CD38: variants seen among roughly 807,000 people sequenced by gnomAD.
CD38 encodes CD38 molecule.
Under a neutral mutation model 36.3 loss-of-function variants are expected in CD38, and 31 were observed. The ratio of observed to expected loss-of-function variants is 0.85; its 90% CI spans 0.64 to 1.15. The LOEUF is 1.15. Ranked by LOEUF, CD38 falls within the 50% of genes most tolerant of loss-of-function variation. CD38 has a pLI of 0.00. For synonymous variants in CD38, 131 were observed against 135.2 expected (o/e 0.97, Z 0.22); for missense variants, 380 against 371.9 (o/e 1.02, Z -0.18).
At position 15,816,492 on chromosome 4, in the gene CD38, T is replaced by A; in HGVS notation, c.234-19T>A. 1 of 1,562,694 alleles carries A rather than the reference T, an allele frequency of 6.4e-7. No homozygotes were observed. Among genetic ancestry groups the A allele is most frequent in the Non-Finnish European group, 8.7e-7 (1 of 1,153,320 alleles). On this transcript the variant is annotated intron_variant, in intron 1 of 7. Coordinates refer to ENST00000226279, the MANE Select transcript of CD38 (RefSeq NM_001775.4). ...TAAAATCAAATAATTTATGTTTTAT[T>A]TTCTGTGTTTTATCTCAGACATGTA...
intron 1 of CD38, among the ~76,000 whole-genome samples, chr4:15,786,022 A>T (rs1483444471): frequency 6.6e-6 from 1 of 151,552 alleles, no homozygotes; most frequent in African/African-American, 2.4e-5. Context: ...TCCCATCTGG[A>T]GTTGTTCGTT....
intron 1 of CD38, among the ~76,000 whole-genome samples, chr4:15,780,592 G>A (rs1416650839): frequency 1.4e-5 from 2 of 143,480 alleles, no homozygotes; most frequent in African/African-American, 2.8e-5. Flanking sequence ...CCACATCCCT[G>A]AAATCTTGAC....
chr4:15,836,872 G>T (rs1724078000), intron 4 of CD38, among the ~76,000 whole-genome samples: 1 of 152,128 alleles, frequency 6.6e-6, no homozygotes, highest in Non-Finnish European at 1.5e-5. Flanking sequence ...TACTCATTCT[G>T]ATCTTCTGAT....
chr4:15,826,601 C>A (rs1387194236), intron 3 of CD38, among the ~76,000 whole-genome samples: 1 of 151,198 alleles, frequency 6.6e-6, no homozygotes, highest in East Asian at 2.0e-4. Flanking sequence ...GTAACTATAC[C>A]CTCATCAAGA....
At chr4:15,838,044 A>G in intron 4 of CD38, 48 bp from the exon 5 acceptor site, 4 of 1,411,212 alleles carry the variant, frequency 2.8e-6, no homozygotes, top group Non-Finnish European at 4.0e-6. Context: ...CTGCTGGAGG[A>G]TGGTGATTAA....
At chr4:15,836,074 G>T (rs1014688832) in intron 4 of CD38, among the ~76,000 whole-genome samples, 3 of 152,150 alleles carry the variant, frequency 2.0e-5, no homozygotes, top group Non-Finnish European at 2.9e-5. Context: ...GAGGAACTGG[G>T]GCAGGTGGAA....
chr4:15,809,799 G>T (rs1394545892), intron 1 of CD38, among the ~76,000 whole-genome samples: 3 of 152,052 alleles, frequency 2.0e-5, no homozygotes, highest in Non-Finnish European at 4.4e-5. Flanking sequence ...AAATATTATT[G>T]AACTTCCAGA....
intron 3 of CD38, among the ~76,000 whole-genome samples, chr4:15,832,008 T>C (rs1723970497): frequency 6.6e-6 from 1 of 152,180 alleles, no homozygotes; most frequent in African/African-American, 2.4e-5. Flanking sequence ...CCTCTGACTG[T>C]GTATTTTCAA....
chr4:15,824,913 C>T lies in CD38; in HGVS notation c.396C>T (p.Ala132=). 1.4e-5 allele frequency: 23 copies of T among 1,613,590 alleles called. No homozygotes were observed. The highest frequency in any genetic ancestry group is 1.9e-5 in the Non-Finnish European group (22 of 1,179,670). ...TTTGGAGCAGAATAAAAGATCTGGC[C>T]CATCAGTTCACACAGGTCCAGCGGG... is the stretch of plus-strand genomic sequence containing the variant. ...ILLWSRIKDL[A]HQFTQVQRDM... is the part of the protein sequence containing the mutation. The change falls in exon 3 of 8, where the codon GCC becomes GCT. Residue 132 remains alanine (A), a synonymous_variant. Transcript: ENST00000226279.
chr4:15,791,045 G>A, intron 1 of CD38, among the ~76,000 whole-genome samples: 1 of 118,894 alleles, frequency 8.4e-6, no homozygotes, highest in East Asian at 2.5e-4. Context: ...GGAGGGAGGT[G>A]GGGGGGGGTC....
At chr4:15,840,650 T>G in intron 7 of CD38, 112 bp downstream of exon 7, 1 of 642,554 alleles carries the variant, frequency 1.6e-6, no homozygotes, top group Non-Finnish European at 2.8e-6. Context: ...TCTTGGGCCT[T>G]GATGATGATC....
In CD38 at chr4:15,778,519, C is replaced by A; in HGVS notation, c.105C>A (p.Leu35=). The A allele has an allele frequency of 6.2e-7, 1 of 1,613,710 alleles. No individual in the cohort carries two copies. The highest frequency in any genetic ancestry group is 8.5e-7 in the Non-Finnish European group (1 of 1,179,964). The change falls in exon 1 of 8, where the codon CTC becomes CTA. Residue 35 remains leucine, a synonymous_variant. Coordinates refer to ENST00000226279, the MANE Select transcript of CD38 (RefSeq NM_001775.4). The surrounding 1 kb of genome is among the most constrained non-coding windows in gnomAD (Gnocchi z 4.9). ...GCGTCAGTATCCTGGTCCTGATCCT[C>A]GTCGTGGTGCTCGCGGTGGTCGTCC... ...CLGVSILVLI[L]VVVLAVVVPR...
chr4:15,780,305 G>A (rs1722662852), intron 1 of CD38, among the ~76,000 whole-genome samples: 1 of 152,074 alleles, frequency 6.6e-6, no homozygotes, highest in Non-Finnish European at 1.5e-5. Context: ...ACAATCTCTT[G>A]AATGCTGAAT....
rs1189644526 is a variant in CD38, at chr4:15,851,725, T to C, written c.*3123T>C. Reference sequence around the variant, plus strand: ...ACAAACACACGCACACAAGCCTGCATACATCATATGCCAACAGTGGGGATA... The same window carrying C: ...ACAAACACACGCACACAAGCCTGCACACATCATATGCCAACAGTGGGGATA... On this transcript the variant is annotated 3_prime_UTR_variant, in exon 8 of 8. Transcript: ENST00000226279. 6.6e-6 allele frequency: 1 copy of C among 152,202 alleles called. No individual in the cohort carries two copies. The highest frequency in any genetic ancestry group is 1.5e-5 in the Non-Finnish European group (1 of 68,042). 9.4% of individuals were successfully genotyped at this position (152,202 alleles called of 1,614,324 possible). A position where few individuals can be genotyped will look rare whatever the true frequency, so the allele number is the denominator to read the frequency against.
intron 2 of CD38, among the ~76,000 whole-genome samples, chr4:15,819,807 T>C (rs896636581): frequency 2.0e-5 from 3 of 152,242 alleles, no homozygotes; most frequent in Admixed American, 1.3e-4. Flanking sequence ...TGAAACCACG[T>C]TGGAAAACAC....
intron 7 of CD38, 99 bp from the exon 8 acceptor site, chr4:15,848,440 A>G: frequency 1.3e-6 from 1 of 785,784 alleles, no homozygotes; most frequent in Non-Finnish European, 2.2e-6. Context: ...TGGTCTGTGC[A>G]CCTTGTCGTC....
In CD38 at chr4:15,825,006, C is replaced by G; in HGVS notation, c.489C>G (p.Phe163Leu). The G allele has an allele frequency of 6.2e-7, 1 of 1,611,292 alleles. No homozygotes were observed. Among genetic ancestry groups the G allele is most frequent in the African/African-American group, 1.3e-5 (1 of 74,938 alleles). Reference sequence around the variant, plus strand: ...ATGACCTCACATGGTGTGGTGAATTCAACACTTCCAGTGAGGCTCTGGGCC... The same window carrying G: ...ATGACCTCACATGGTGTGGTGAATTGAACACTTCCAGTGAGGCTCTGGGCC... ...LADDLTWCGE[F>L]NTSKINYQSC... Residue 163 changes from phenylalanine to leucine, a missense_variant, in exon 3 of 8, where the codon TTC becomes TTG. Coordinates refer to ENST00000226279, the MANE Select transcript of CD38 (RefSeq NM_001775.4).
At chr4:15,816,311 AT>A (rs1723592618) in intron 1 of CD38, among the ~76,000 whole-genome samples, 199 bp from the exon 2 acceptor site, 1 of 152,002 alleles carries the variant, frequency 6.6e-6, no homozygotes, top group African/African-American at 2.4e-5. Flanking sequence ...CTCTTTTTCT[AT>A]TGTTTGCAAT....
intron 3 of CD38, among the ~76,000 whole-genome samples, chr4:15,826,302 G>A (rs781513564): frequency 2.0e-5 from 3 of 151,980 alleles, no homozygotes; most frequent in South Asian, 2.1e-4. Flanking sequence ...ATGTACACGC[G>A]CTGTTGTGCA....
Sources: allele counts gnomAD v4.1 joint callset (sites outside exome capture counted in the v4.1 genomes callset), GRCh38; gene constraint gnomAD v4.1.1; non-coding constraint Gnocchi (gnomAD v3.1); transcripts MANE v1.5; gene names NCBI Gene and HGNC (gene_info 2026-07-23, HGNC 2026-07-21).